The following ZNF385C variants were observed in gnomAD, a reference collection of about 807,000 sequenced individuals.
ZNF385C encodes zinc finger protein 385C.
In ZNF385C, 28 loss-of-function variants were observed where a neutral mutation model predicts 35.4. The observed-to-expected ratio is 0.79, with a 90% CI of 0.59 to 1.08. ZNF385C has a LOEUF of 1.08. Ranked by LOEUF, ZNF385C falls within the 50% of genes least tolerant of loss-of-function variation. The pLI is 0.00. For synonymous variants in ZNF385C, 248 were observed against 248.2 expected (o/e 1.00, Z 0.01); for missense variants, 605 against 595.6 (o/e 1.02, Z -0.16).
rs1229183120 is a variant in ZNF385C at position 42,074,322 on chromosome 17, C to T, written c.-2-11264G>A. Reference sequence around the variant, plus strand: ...CATTTCCACTTTTAAGATAAATCCACATTAAATTGTACATTTTAAATGGGG... The same window carrying T: ...CATTTCCACTTTTAAGATAAATCCATATTAAATTGTACATTTTAAATGGGG... On this transcript the variant is annotated intron_variant, in intron 1 of 8. Transcript: ENST00000692273. Among the ~76,000 whole-genome samples, 8 of 152,228 alleles carry T rather than the reference C, an allele frequency of 5.3e-5. No homozygotes were observed. In the South Asian group the frequency reaches 1.5e-3, roughly 28 times the overall value.
intron 2 of ZNF385C, among the ~76,000 whole-genome samples, chr17:42,046,955 C>T (rs955387203): frequency 5.1e-4 from 77 of 151,724 alleles, no homozygotes; most frequent in Admixed American, 1.6e-3. Flanking sequence ...CTCCACCTCC[C>T]GGATTCAAGC....
chr17:42,027,823 T>C (rs1555654469), intron 7 of ZNF385C, 95 bp from the exon 8 acceptor site: 34 of 1,360,636 alleles, frequency 2.5e-5, no homozygotes, highest in Admixed American at 4.0e-5. Flanking sequence ...TATCCACAGC[T>C]CATACATCCA....
At chr17:42,091,786 C>T (rs1180954048) in intron 1 of ZNF385C, among the ~76,000 whole-genome samples, 1 of 152,230 alleles carries the variant, frequency 6.6e-6, no homozygotes, top group African/African-American at 2.4e-5. Flanking sequence ...CCTCAGGAAG[C>T]TGCTAACTAG....
At chr17:42,039,524 C>A in intron 2 of ZNF385C, 12 of 398,078 alleles carry the variant, frequency 3.0e-5, no homozygotes, top group Middle Eastern at 6.5e-4. Context: ...CCAGTCCCTT[C>A]CTCCACAGCC....
intron 1 of ZNF385C, among the ~76,000 whole-genome samples, chr17:42,087,663 G>T (rs74878508): frequency 6.6e-6 from 1 of 152,116 alleles, no homozygotes; most frequent in African/African-American, 2.4e-5. Context: ...AGTGTCTCAC[G>T]TCTATAAATC....
intron 2 of ZNF385C, chr17:42,040,839 G>A (rs2053001670): frequency 3.2e-6 from 4 of 1,232,372 alleles, no homozygotes; most frequent in Non-Finnish European, 4.0e-6. Context: ...TCCGGCCAGG[G>A]AGACAATGCA....
intron 2 of ZNF385C, among the ~76,000 whole-genome samples, chr17:42,046,709 T>C (rs2143713274): frequency 6.6e-6 from 1 of 152,018 alleles, no homozygotes; most frequent in Admixed American, 6.6e-5. Context: ...AACACAGCAA[T>C]ACCCAGTCTC....
intron 1 of ZNF385C, among the ~76,000 whole-genome samples, chr17:42,070,920 C>A (rs1406045914): frequency 6.6e-6 from 1 of 152,204 alleles, no homozygotes; most frequent in Non-Finnish European, 1.5e-5. Flanking sequence ...CCACTGCCCT[C>A]TCCCAGCACT....
chr17:42,087,001 T>C (rs1187592941), intron 1 of ZNF385C, among the ~76,000 whole-genome samples: 1 of 151,940 alleles, frequency 6.6e-6, no homozygotes, highest in African/African-American at 2.4e-5. Context: ...TTTGTACTTT[T>C]AGTAGAGACG....
At chr17:42,090,045 T>G (rs1288572761) in intron 1 of ZNF385C, among the ~76,000 whole-genome samples, 1 of 152,168 alleles carries the variant, frequency 6.6e-6, no homozygotes, top group African/African-American at 2.4e-5. Flanking sequence ...CTGTTTCCTA[T>G]AACTCCCCAC....
Position 42,049,674 on chromosome 17 carries a change from T to G in ZNF385C, c.251-11789A>C, listed in dbSNP as rs181169755. On this transcript the variant is annotated intron_variant, in intron 2 of 8. Coordinates refer to ENST00000692273, the MANE Select transcript of ZNF385C (RefSeq NM_001392013.1). ...GGGGTGCAAAAGCAAGGTGATGCCC[T>G]TCTGGAATTTTGTCAGATCCTTTCC... 2.9e-4 allele frequency among the ~76,000 whole-genome samples: 44 copies of G among 152,362 alleles called. 1 individual carries two copies. Among genetic ancestry groups the G allele is most frequent in the Admixed American group, 2.7e-3 (42 of 15,310 alleles).
intron 2 of ZNF385C, among the ~76,000 whole-genome samples, chr17:42,042,316 G>A (rs2053043049): frequency 6.6e-6 from 1 of 152,170 alleles, no homozygotes; most frequent in Non-Finnish European, 1.5e-5. Context: ...GAGGTCAGGA[G>A]TTCGAAACTG....
At chr17:42,039,304 C>T (rs1323287020) in intron 2 of ZNF385C, 2 of 187,738 alleles carry the variant, frequency 1.1e-5, no homozygotes, top group East Asian at 1.3e-4. Context: ...GGACCAAGGA[C>T]CAGTGTCCGT....
At chr17:42,031,559 C>T in intron 5 of ZNF385C, 60 bp downstream of exon 5, 3 of 1,509,794 alleles carry the variant, frequency 2.0e-6, no homozygotes, top group Non-Finnish European at 2.7e-6. Flanking sequence ...ATCTCTCAAC[C>T]CCTTGTCGGA....
At chr17:42,034,186 A>T (rs781906770) in intron 4 of ZNF385C, 39 bp downstream of exon 4, 653 of 1,502,132 alleles carry the variant, frequency 4.3e-4, no homozygotes, top group Non-Finnish European at 5.7e-4. Flanking sequence ...CTCCCTGCCC[A>T]GCCCCCTCCC....
intron 5 of ZNF385C, 145 bp from the exon 6 acceptor site, chr17:42,029,218 C>T (rs782118515): frequency 2.4e-5 from 23 of 963,160 alleles, no homozygotes; most frequent in Middle Eastern, 3.1e-4. Context: ...ACTCACTGGG[C>T]AGACTTGGGC....
intron 2 of ZNF385C, chr17:42,041,038 G>A (rs2053006756): frequency 2.4e-6 from 3 of 1,232,344 alleles, no homozygotes; most frequent in South Asian, 4.1e-5. Context: ...GGTGGTGGCG[G>A]GCTGGCCATC....
At chr17:42,084,031 G>A (rs1387685889) in intron 1 of ZNF385C, among the ~76,000 whole-genome samples, 2 of 152,024 alleles carry the variant, frequency 1.3e-5, no homozygotes, top group Non-Finnish European at 2.9e-5. Context: ...TTTTAAAGCC[G>A]TTTATCACTC....
intron 2 of ZNF385C, among the ~76,000 whole-genome samples, chr17:42,060,791 C>T (rs537434072): frequency 6.6e-6 from 1 of 152,318 alleles, no homozygotes; most frequent in East Asian, 1.9e-4. Flanking sequence ...TCTCAGCTCA[C>T]TGCAGCCTCC....
Sources: allele counts gnomAD v4.1 joint callset (sites outside exome capture counted in the v4.1 genomes callset), GRCh38; gene constraint gnomAD v4.1.1; transcripts MANE v1.5; gene names NCBI Gene and HGNC (gene_info 2026-07-23, HGNC 2026-07-21).